The following SMIM14 variants were observed in gnomAD, a reference collection of about 807,000 sequenced individuals.
SMIM14 encodes the protein small integral membrane protein 14.
SMIM14 carries 5 observed loss-of-function variants against 12.6 expected under a neutral mutation model. That is an observed-to-expected ratio of 0.40 (90% CI 0.21 to 0.83). The LOEUF (loss-of-function observed/expected upper bound fraction) is 0.83. Ranked by LOEUF, SMIM14 falls within the 40% of genes least tolerant of loss-of-function variation. SMIM14 has a pLI of 0.37. For synonymous variants in SMIM14, 30 were observed against 40.1 expected (o/e 0.75, Z 0.95); for missense variants, 86 against 119.1 (o/e 0.72, Z 1.29).
intron 1 of SMIM14, among the ~76,000 whole-genome samples, chr4:39,624,331 GC>G (rs1383091623): frequency 6.6e-6 from 1 of 151,982 alleles, no homozygotes; most frequent in African/African-American, 2.4e-5. Flanking sequence ...GAGGAACATA[GC>G]CCCAGCTAAG....
chr4:39,617,004 T>C (rs576301515), intron 1 of SMIM14, among the ~76,000 whole-genome samples: 4 of 152,208 alleles, frequency 2.6e-5, no homozygotes, highest in African/African-American at 7.2e-5. Flanking sequence ...AAACTCATTA[T>C]ACCGGTTATT....
chr4:39,619,257 T>C (rs1715349310), intron 1 of SMIM14, among the ~76,000 whole-genome samples: 1 of 126,694 alleles, frequency 7.9e-6, no homozygotes, highest in Non-Finnish European at 1.6e-5. Flanking sequence ...TTATTCTATA[T>C]ATCAATAAAT....
intron 3 of SMIM14, among the ~76,000 whole-genome samples, chr4:39,565,818 T>G (rs535887147): frequency 6.6e-6 from 1 of 152,010 alleles, no homozygotes; most frequent in African/African-American, 2.4e-5. Context: ...GGGAGGTGAT[T>G]GAATTATGGG....
intron 2 of SMIM14, among the ~76,000 whole-genome samples, chr4:39,595,297 T>G (rs374091305): frequency 6.8e-6 from 1 of 147,010 alleles, no homozygotes; most frequent in Non-Finnish European, 1.5e-5. Context: ...AGTAAACTAT[T>G]GCAAGAACAA....
At chr4:39,594,295 A>G (rs1714257709) in intron 2 of SMIM14, 1 of 152,196 alleles carries the variant, frequency 6.6e-6, no homozygotes, top group Admixed American at 6.6e-5. Flanking sequence ...AAAAACAAGC[A>G]ATGGGGAAAG....
chr4:39,617,480 A>G (rs569622732), intron 1 of SMIM14, among the ~76,000 whole-genome samples: 1 of 152,322 alleles, frequency 6.6e-6, no homozygotes, highest in African/African-American at 2.4e-5. Flanking sequence ...TTATATCTCA[A>G]TTTACTCGAA....
At chr4:39,595,592 G>T (rs541794681) in intron 2 of SMIM14, among the ~76,000 whole-genome samples, 1 of 150,290 alleles carries the variant, frequency 6.7e-6, no homozygotes, top group South Asian at 2.1e-4. Context: ...CAATGAAAAC[G>T]TTTTCTGTAA....
chr4:39,547,031 T>C lies in SMIM14; in HGVS notation c.*5095A>G, dbSNP rs754902740. 2.0e-5 allele frequency: 3 copies of C among 152,188 alleles called. No individual in the cohort carries two copies. Among genetic ancestry groups the C allele is most frequent in the Non-Finnish European group, 4.4e-5 (3 of 68,024 alleles). 9.4% of individuals were successfully genotyped at this position (152,188 alleles called of 1,614,324 possible). A position where few individuals can be genotyped will look rare whatever the true frequency, so the allele number is the denominator to read the frequency against. On this transcript the variant is annotated 3_prime_UTR_variant, in exon 5 of 5. Transcript: ENST00000295958. ...AAGTAAATGTCTATTTTACCTGGTA[T>C]TCTAGGAAGAGAGAGAGAAAGAAAA...
At chr4:39,584,395 T>C (rs1713668509) in intron 2 of SMIM14, among the ~76,000 whole-genome samples, 1 of 145,522 alleles carries the variant, frequency 6.9e-6, no homozygotes, top group Non-Finnish European at 1.5e-5. Flanking sequence ...GGCAGGAGAA[T>C]TGCTTGAACC....
chr4:39,568,478 GACAATGGAATATATACAAAAT>G (rs1412696357), intron 3 of SMIM14, among the ~76,000 whole-genome samples: 1 of 151,900 alleles, frequency 6.6e-6, no homozygotes, highest in East Asian at 1.9e-4. Flanking sequence ...AAAAAAATAA[GACAATGGAATATATACAAAAT>G]ACAACTACAG....
At chr4:39,618,316 C>T (rs1241003408) in intron 1 of SMIM14, among the ~76,000 whole-genome samples, 5 of 152,046 alleles carry the variant, frequency 3.3e-5, no homozygotes, top group African/African-American at 7.2e-5. Flanking sequence ...ATGGGAAAAA[C>T]GATGAGCAAG....
At chr4:39,600,415 T>C (rs7680844) in intron 2 of SMIM14, among the ~76,000 whole-genome samples, 141,174 of 152,104 alleles carry the variant, frequency 0.93, 66,422 homozygotes, top group Non-Finnish European at 1. Context: ...AAGGGCCGGG[T>C]GTGGTGGCTG....
intron 1 of SMIM14, among the ~76,000 whole-genome samples, chr4:39,631,619 A>C (rs1173939143): frequency 6.6e-6 from 1 of 151,960 alleles, no homozygotes; most frequent in African/African-American, 2.4e-5. Flanking sequence ...ACATTGCGCC[A>C]CTGCACTCTA....
At chr4:39,590,889 C>T (rs570476666) in intron 2 of SMIM14, among the ~76,000 whole-genome samples, 2 of 152,050 alleles carry the variant, frequency 1.3e-5, no homozygotes, top group East Asian at 3.9e-4. Context: ...GATGAAGATA[C>T]CCAGATTGTC....
chr4:39,606,956 C>T (rs1294879628), intron 1 of SMIM14, among the ~76,000 whole-genome samples: 1 of 152,108 alleles, frequency 6.6e-6, no homozygotes, highest in East Asian at 1.9e-4. Context: ...GCATAGGAGA[C>T]ATTACAGAAG....
chr4:39,576,637 TA>T (rs1713180494), intron 2 of SMIM14, among the ~76,000 whole-genome samples: 2 of 137,134 alleles, frequency 1.5e-5, no homozygotes, highest in Non-Finnish European at 1.6e-5. Context: ...GTATATAACT[TA>T]TACCTATGTG....
intron 2 of SMIM14, among the ~76,000 whole-genome samples, chr4:39,600,546 C>T (rs558000460): frequency 3.9e-5 from 6 of 152,114 alleles, no homozygotes; most frequent in African/African-American, 1.2e-4. Flanking sequence ...AAAAATTAGC[C>T]GAGCGTGGTG....
chr4:39,575,992 C>T (rs1713149626), intron 2 of SMIM14, among the ~76,000 whole-genome samples: 2 of 151,248 alleles, frequency 1.3e-5, no homozygotes, highest in Non-Finnish European at 2.9e-5. Context: ...CTCCCAGGTT[C>T]AAGTGATTGT....
At chr4:39,592,125 G>A (rs1714135463) in intron 2 of SMIM14, among the ~76,000 whole-genome samples, 1 of 152,022 alleles carries the variant, frequency 6.6e-6, no homozygotes, top group Non-Finnish European at 1.5e-5. Flanking sequence ...GAGCCCAGGA[G>A]TTCAAGGCTG....
Sources: allele counts gnomAD v4.1 joint callset (sites outside exome capture counted in the v4.1 genomes callset), GRCh38; gene constraint gnomAD v4.1.1; transcripts MANE v1.5; gene names NCBI Gene and HGNC (gene_info 2026-07-23, HGNC 2026-07-21).